PLB1: variants seen among roughly 807,000 people sequenced by gnomAD.
PLB1 encodes phospholipase B1, also known as phospholipase B1, membrane-associated.
PLB1 carries 242 observed loss-of-function variants against 227.4 expected under a neutral mutation model. The observed-to-expected ratio is 1.06, with a 90% CI of 0.96 to 1.18. The LOEUF is 1.18. Ranked by LOEUF, PLB1 falls within the 50% of genes most tolerant of loss-of-function variation. PLB1 has a pLI of 0.00. For synonymous variants in PLB1, 757 were observed against 682.2 expected (o/e 1.11, Z -1.71); for missense variants, 1,858 against 1,816.3 (o/e 1.02, Z -0.42).
intron 15 of PLB1, among the ~76,000 whole-genome samples, chr2:28,549,418 T>TTTTTTC (rs1673848608): frequency 8.4e-6 from 1 of 119,720 alleles, no homozygotes; most frequent in East Asian, 2.6e-4. Flanking sequence ...CTTTCTTTTT[T>TTTTTTC]TTTTTTTTTT....
intron 20 of PLB1, among the ~76,000 whole-genome samples, chr2:28,568,823 G>T (rs2148248964): frequency 6.6e-6 from 1 of 152,302 alleles, no homozygotes; most frequent in South Asian, 2.1e-4. Context: ...AATGTTCCTG[G>T]CAGAGAGAAC....
intron 56 of PLB1, among the ~76,000 whole-genome samples, chr2:28,639,101 A>G (rs1689700384): frequency 2.0e-5 from 3 of 151,592 alleles, no homozygotes; most frequent in Admixed American, 6.6e-5. Context: ...GGATCAACTA[A>G]GAGCTCCTAG....
chr2:28,538,271 G>A (rs777249899), intron 9 of PLB1, 48 bp from the exon 10 acceptor site: 20 of 1,613,484 alleles, frequency 1.2e-5, no homozygotes, highest in South Asian at 3.3e-5. Flanking sequence ...GCCTCACCTC[G>A]TGGTCCTCCT....
chr2:28,601,142 A>G (rs1201171945), intron 36 of PLB1, 110 bp from the exon 37 acceptor site: 4 of 936,948 alleles, frequency 4.3e-6, no homozygotes, highest in South Asian at 1.4e-5. Context: ...TGCTGATTCC[A>G]TTATTTCAAG....
rs145768010 is a variant in PLB1, at chr2:28,610,907, G to C, written c.3130-3124G>C. Among the ~76,000 whole-genome samples the C allele has an allele frequency of 9.8e-3, 1,484 of 152,122 alleles. 12 individuals are homozygous for C. Among genetic ancestry groups the C allele is most frequent in the Non-Finnish European group, 0.014 (941 of 68,010 alleles). Reference sequence around the variant, plus strand: ...TCGGCCCCCCTTTCTACTCACGGGGGCTCCAAATCTAGCCTTCAAGAGCCA... The same window carrying C: ...TCGGCCCCCCTTTCTACTCACGGGGCCTCCAAATCTAGCCTTCAAGAGCCA... On this transcript the variant is annotated intron_variant, in intron 43 of 57. Transcript: ENST00000327757.
intron 17 of PLB1, among the ~76,000 whole-genome samples, chr2:28,555,089 C>T (rs911268349): frequency 2.6e-5 from 4 of 151,084 alleles, no homozygotes; most frequent in African/African-American, 9.7e-5. Flanking sequence ...GAAAAATGGT[C>T]ACAGTTAACT....
chr2:28,510,523 C>G (rs1388561112), intron 1 of PLB1, among the ~76,000 whole-genome samples: 1 of 152,094 alleles, frequency 6.6e-6, no homozygotes, highest in Non-Finnish European at 1.5e-5. Context: ...TCTCATACAC[C>G]CTCCTCAGCT....
chr2:28,601,189 T>A (rs770594724), intron 36 of PLB1, 63 bp from the exon 37 acceptor site: 29 of 1,375,966 alleles, frequency 2.1e-5, no homozygotes, highest in Non-Finnish European at 2.9e-5. Context: ...ATGGATTTCC[T>A]AGGGCAGGGA....
chr2:28,591,536 C>T (rs540343759), intron 30 of PLB1, among the ~76,000 whole-genome samples, 164 bp from the exon 31 acceptor site: 47 of 152,322 alleles, frequency 3.1e-4, no homozygotes, highest in African/African-American at 8.9e-4. Context: ...GTGGCCGCTA[C>T]GCAAAATCAC....
At chr2:28,568,981 G>A (rs954516287) in intron 20 of PLB1, among the ~76,000 whole-genome samples, 5 of 152,124 alleles carry the variant, frequency 3.3e-5, no homozygotes, top group Non-Finnish European at 5.9e-5. Context: ...CTTTCAAATC[G>A]CTCAGGTGAT....
intron 6 of PLB1, 50 bp from the exon 7 acceptor site, chr2:28,529,267 G>A (rs1482662780): frequency 7.7e-7 from 1 of 1,295,312 alleles, no homozygotes; most frequent in South Asian, 1.2e-5. Context: ...GTCTTTAGAG[G>A]TGGCCTTCAG....
chr2:28,562,913 A>G (rs1676288964), intron 17 of PLB1, 128 bp from the exon 18 acceptor site: 1 of 832,492 alleles, frequency 1.2e-6, no homozygotes, highest in Non-Finnish European at 2.0e-6. Flanking sequence ...CTTTTATCCA[A>G]GGTGTCTTGG....
At chr2:28,633,419 A>G (rs1688922004) in intron 56 of PLB1, 1 of 205,012 alleles carries the variant, frequency 4.9e-6, no homozygotes, top group South Asian at 9.2e-5. Context: ...AAACAGTGAA[A>G]ACAAGACAGG....
At chr2:28,606,831 A>C in intron 43 of PLB1, among the ~76,000 whole-genome samples, 1 of 152,130 alleles carries the variant, frequency 6.6e-6, no homozygotes, top group Non-Finnish European at 1.5e-5. Context: ...CCCGGTGAGA[A>C]AAGTGGGCTC....
At chr2:28,578,202 A>G (rs1253066149) in intron 22 of PLB1, 44 bp downstream of exon 22, 5 of 1,589,036 alleles carry the variant, frequency 3.1e-6, no homozygotes, top group Non-Finnish European at 3.5e-6. Context: ...ATCCCTGGAC[A>G]CAGAGAAGAT....
chr2:28,641,001 T>C lies in PLB1; in HGVS notation c.4173T>C (p.Pro1391=). The C allele has an allele frequency of 3.1e-6, 5 of 1,613,158 alleles. No homozygotes were observed. Among genetic ancestry groups the C allele is most frequent in the Non-Finnish European group, 4.2e-6 (5 of 1,179,560 alleles). The change falls in exon 57 of 58, where the codon CCT becomes CCC. Residue 1391 remains proline, a splice_region_variant and synonymous_variant. Coordinates refer to ENST00000327757, the MANE Select transcript of PLB1 (RefSeq NM_153021.5). ...HSRAKLKCPS[P]ESPYLYTLRN... is the part of the protein sequence containing the mutation. The stretch of plus-strand genomic sequence containing the variant: ...GAGCCAAACTCAAGTGCCCCTCTCC[T>C]GTGAGTAAACGTCCTGCCTGCCCCA...
At chr2:28,639,743 G>A (rs528752868) in intron 56 of PLB1, among the ~76,000 whole-genome samples, 8 of 152,188 alleles carry the variant, frequency 5.3e-5, no homozygotes, top group East Asian at 1.9e-4. Context: ...TCACTGTTAC[G>A]ATAGACTTGA....
At chr2:28,591,234 A>G (rs1681868483) in intron 30 of PLB1, 63 bp downstream of exon 30, 1 of 1,588,208 alleles carries the variant, frequency 6.3e-7, no homozygotes, top group South Asian at 1.1e-5. Context: ...CTGGGCTGGG[A>G]CAGGCCCAAC....
At position 28,642,848 on chromosome 2, in the gene PLB1, T is replaced by TC; in HGVS notation, c.4174-8dup. ...GATCCTTTCCACTGACCCCCGCTCC[T>TC]CCTCCACAGGAGAGCCCTTACCTCT... is the stretch of plus-strand genomic sequence containing the variant. On this transcript the variant is annotated splice_polypyrimidine_tract_variant and intron_variant, in intron 57 of 57. Coordinates refer to ENST00000327757, the MANE Select transcript of PLB1 (RefSeq NM_153021.5). 2 of 1,578,862 alleles carry TC rather than the reference T, an allele frequency of 1.3e-6. No homozygotes were observed. Among genetic ancestry groups the TC allele is most frequent in the Non-Finnish European group, 8.6e-7 (1 of 1,158,964 alleles).
Sources: gnomAD v4.1 joint callset for allele counts (sites outside exome capture counted in the v4.1 genomes callset) on GRCh38, gnomAD v4.1.1 for gene constraint, MANE v1.5 for transcripts, NCBI Gene and HGNC (gene_info 2026-07-23, HGNC 2026-07-21) for gene names.